RASGRF2: variants seen among roughly 807,000 people sequenced by gnomAD.
The protein encoded by RASGRF2 is Ras protein specific guanine nucleotide releasing factor 2, also known as ras-specific guanine nucleotide-releasing factor 2.
A neutral mutation model predicts 151.0 loss-of-function variants in RASGRF2; 76 were observed. That is an observed-to-expected ratio of 0.50 (90% CI 0.42 to 0.61). RASGRF2 has a LOEUF of 0.61. RASGRF2 is among the 20% of genes least tolerant of loss of function. The pLI, the probability that RASGRF2 is intolerant of heterozygous loss-of-function variation, is 0.00. For missense variants in RASGRF2, 1,148 were observed against 1,564.6 expected, an observed-to-expected ratio of 0.73 and a Z score of 4.49; for synonymous variants, 504 against 566.5, an observed-to-expected ratio of 0.89 and a Z score of 1.57.
intron 16 of RASGRF2, among the ~76,000 whole-genome samples, chr5:81,125,883 T>A (rs1753440307): frequency 6.6e-6 from 1 of 152,250 alleles, no homozygotes; most frequent in African/African-American, 2.4e-5. Flanking sequence ...ATGGAGGAAC[T>A]GAACAAGGAC....
intron 22 of RASGRF2, among the ~76,000 whole-genome samples, chr5:81,209,484 G>A (rs903901288): frequency 2.0e-5 from 3 of 152,188 alleles, no homozygotes; most frequent in Non-Finnish European, 4.4e-5. Flanking sequence ...AAATTAATAA[G>A]TGATCTAGAA....
Position 81,111,728 on chromosome 5 carries a change from T to A in RASGRF2, c.1839-882T>A, listed in dbSNP as rs567884231. Among the ~76,000 whole-genome samples, 7 of 151,630 alleles carry A rather than the reference T, an allele frequency of 4.6e-5. No individual in the cohort carries two copies. The East Asian group carries it at 1.4e-3, about 29-fold the overall frequency. On this transcript the variant is annotated intron_variant, in intron 13 of 26. Coordinates refer to ENST00000265080, the MANE Select transcript of RASGRF2 (RefSeq NM_006909.3). Reference sequence around the variant, plus strand: ...AATAAGAAGAGACATTAATACAATATAAAAAACAGTAGAAGGGGTAAATAA... The same window carrying A: ...AATAAGAAGAGACATTAATACAATAAAAAAAACAGTAGAAGGGGTAAATAA...
At chr5:81,086,801 C>T in intron 8 of RASGRF2, 34 bp from the exon 9 acceptor site, 1 of 1,545,648 alleles carries the variant, frequency 6.5e-7, no homozygotes, top group Non-Finnish European at 8.9e-7. Flanking sequence ...GAGAAAATCT[C>T]TCTTACTGTG....
intron 5 of RASGRF2, among the ~76,000 whole-genome samples, chr5:81,079,429 G>T (rs189507521): frequency 6.6e-6 from 1 of 152,152 alleles, no homozygotes; most frequent in African/African-American, 2.4e-5. Context: ...TGAGATGAAC[G>T]GTTCTGTATT....
Position 81,143,644 on chromosome 5 carries a change from C to T in RASGRF2, c.2686+16481C>T, listed in dbSNP as rs553480283. Among the ~76,000 whole-genome samples, 9 of 152,028 alleles carry T rather than the reference C, an allele frequency of 5.9e-5. No homozygotes were observed. The South Asian group carries it at 1.9e-3, about 32-fold the overall frequency. On this transcript the variant is annotated intron_variant, in intron 17 of 26. Coordinates refer to ENST00000265080, the MANE Select transcript of RASGRF2 (RefSeq NM_006909.3). ...CGGTGGTGCACGCCTATAATCCCAG[C>T]ACTTTGGGAGGCCGAGGCGGGCGGA...
chr5:81,006,361 G>C (rs1561550335), intron 1 of RASGRF2, among the ~76,000 whole-genome samples: 1 of 152,176 alleles, frequency 6.6e-6, no homozygotes, highest in Non-Finnish European at 1.5e-5. Context: ...TTGGTTGAAG[G>C]ACCTTTGAAA....
At chr5:80,970,386 C>CGA (rs1747892152) in intron 1 of RASGRF2, among the ~76,000 whole-genome samples, 1 of 152,110 alleles carries the variant, frequency 6.6e-6, no homozygotes, top group Non-Finnish European at 1.5e-5. Context: ...ATAATGATCA[C>CGA]CTCTGAGTGT....
intron 1 of RASGRF2, among the ~76,000 whole-genome samples, chr5:80,999,365 G>T (rs1749004386): frequency 6.6e-6 from 1 of 151,988 alleles, no homozygotes; most frequent in African/African-American, 2.4e-5. Flanking sequence ...TAGAGACAGG[G>T]TCTTGCTCTG....
At chr5:81,132,625 T>A (rs1286397568) in intron 17 of RASGRF2, among the ~76,000 whole-genome samples, 1 of 152,202 alleles carries the variant, frequency 6.6e-6, no homozygotes, top group African/African-American at 2.4e-5. Context: ...TGCCTAGACC[T>A]GAGGCCTAGG....
intron 7 of RASGRF2, among the ~76,000 whole-genome samples, 188 bp from the exon 8 acceptor site, chr5:81,085,614 T>C (rs558134809): frequency 1.3e-5 from 2 of 148,970 alleles, no homozygotes; most frequent in South Asian, 4.2e-4. Flanking sequence ...TGGTGAAGTC[T>C]TTTTTTTGGT....
chr5:80,995,967 A>G (rs1748844144), intron 1 of RASGRF2, among the ~76,000 whole-genome samples: 1 of 152,178 alleles, frequency 6.6e-6, no homozygotes, highest in African/African-American at 2.4e-5. Context: ...TGCTGGGATT[A>G]CAGGTGTGAG....
rs184209524 is a variant in RASGRF2 at position 81,038,969 on chromosome 5, G to A, written c.289-3908G>A. Among the ~76,000 whole-genome samples the A allele has an allele frequency of 2.9e-3, 438 of 152,134 alleles. 4 individuals carry two copies. The highest frequency in any genetic ancestry group is 6.0e-3 in the African/African-American group (251 of 41,518). On this transcript the variant is annotated intron_variant, in intron 1 of 26. Coordinates refer to ENST00000265080, the MANE Select transcript of RASGRF2 (RefSeq NM_006909.3). The stretch of plus-strand genomic sequence containing the variant: ...CTTTTCACTTTTATGGGTATCATTT[G>A]TTGTATAAAAGTTTTACATTTTAAT...
intron 1 of RASGRF2, among the ~76,000 whole-genome samples, chr5:80,963,783 T>C (rs1039622746): frequency 1.3e-5 from 2 of 152,216 alleles, no homozygotes; most frequent in African/African-American, 4.8e-5. Context: ...GGGCGACATA[T>C]TTATTGTAAT....
At chr5:81,019,534 G>T (rs895704426) in intron 1 of RASGRF2, 5 of 152,294 alleles carry the variant, frequency 3.3e-5, no homozygotes, top group African/African-American at 1.2e-4. Flanking sequence ...GAGAGGGCTG[G>T]AGTATCTGTG....
intron 1 of RASGRF2, among the ~76,000 whole-genome samples, chr5:81,010,855 T>C (rs1342512818): frequency 6.6e-6 from 1 of 152,246 alleles, no homozygotes; most frequent in Non-Finnish European, 1.5e-5. Flanking sequence ...GTGCTTCATG[T>C]TCTTTTATTT....
At chr5:81,043,244 ATTATAT>A (rs1750735182) in intron 2 of RASGRF2, among the ~76,000 whole-genome samples, 1 of 152,210 alleles carries the variant, frequency 6.6e-6, no homozygotes, top group African/African-American at 2.4e-5. Flanking sequence ...GCCAAGCACT[ATTATAT>A]GTGCTTTTCA....
intron 17 of RASGRF2, among the ~76,000 whole-genome samples, chr5:81,157,130 C>T (rs1754278071): frequency 6.6e-6 from 1 of 152,026 alleles, no homozygotes; most frequent in African/African-American, 2.4e-5. Context: ...CTTTGGGAGG[C>T]TGAGGCGGGC....
At chr5:81,081,265 T>TCAA (rs1752077629) in intron 7 of RASGRF2, among the ~76,000 whole-genome samples, 1 of 152,064 alleles carries the variant, frequency 6.6e-6, no homozygotes, top group South Asian at 2.1e-4. Context: ...GAGTCTCCCC[T>TCAA]CGGCTGGAGC....
intron 12 of RASGRF2, among the ~76,000 whole-genome samples, chr5:81,098,960 C>T (rs1368949351): frequency 6.6e-6 from 1 of 152,130 alleles, no homozygotes; most frequent in Admixed American, 6.5e-5. Flanking sequence ...CACAAATGAA[C>T]TAGAAATATT....
Sources: gnomAD v4.1 joint callset for allele counts (sites outside exome capture counted in the v4.1 genomes callset) on GRCh38, gnomAD v4.1.1 for gene constraint, MANE v1.5 for transcripts, NCBI Gene and HGNC (gene_info 2026-07-23, HGNC 2026-07-21) for gene names.